Variants in ODAD2 observed in about 807,000 individuals in gnomAD.
ODAD2 encodes outer dynein arm-docking complex subunit 2.
A neutral mutation model predicts 106.8 loss-of-function variants in ODAD2; 89 were observed. The observed-to-expected ratio is 0.83, with a 90% CI of 0.70 to 0.99. ODAD2 has a LOEUF of 0.99. Among genes scored for constraint, ODAD2 ranks in the 50% least tolerant of loss-of-function variants. The pLI is 0.00. For synonymous variants in ODAD2, 404 were observed against 436.2 expected (o/e 0.93, Z 0.92); for missense variants, 1,168 against 1,238.5 (o/e 0.94, Z 0.85).
chr10:27,960,312 TC>T (rs1416183331), intron 10 of ODAD2, among the ~76,000 whole-genome samples: 4 of 110,130 alleles, frequency 3.6e-5, no homozygotes, highest in Admixed American at 1.1e-4. Flanking sequence ...TTTATTTATT[TC>T]ATTATTATTA....
At chr10:27,960,732 T>C (rs893047797) in intron 10 of ODAD2, among the ~76,000 whole-genome samples, 15 of 152,216 alleles carry the variant, frequency 9.9e-5, no homozygotes, top group African/African-American at 3.6e-4. Flanking sequence ...AATGTTTACA[T>C]TGTGCAATGA....
chr10:27,841,487 C>T (rs781186466), intron 19 of ODAD2, among the ~76,000 whole-genome samples: 3 of 152,084 alleles, frequency 2.0e-5, no homozygotes, highest in Non-Finnish European at 4.4e-5. Context: ...CCTCCACCTC[C>T]CAGGTTCAAG....
At chr10:27,957,948 A>G (rs1347583386) in intron 10 of ODAD2, among the ~76,000 whole-genome samples, 1 of 152,220 alleles carries the variant, frequency 6.6e-6, no homozygotes, top group African/African-American at 2.4e-5. Flanking sequence ...CATTTAAGCC[A>G]TAATTTCATA....
chr10:27,944,995 G>A (rs377014266), intron 10 of ODAD2, 33 bp from the exon 11 acceptor site: 53 of 1,611,496 alleles, frequency 3.3e-5, no homozygotes, highest in South Asian at 1.9e-4. Context: ...AAAGGTTAAG[G>A]AACACCGCAT....
chr10:27,907,816 A>G (rs747772379), intron 16 of ODAD2, 39 bp from the exon 17 acceptor site: 1 of 1,290,878 alleles, frequency 7.7e-7, no homozygotes. Context: ...AACTGTCATT[A>G]GTATGTGAAG....
At chr10:27,913,277 C>T (rs1844136568) in intron 16 of ODAD2, among the ~76,000 whole-genome samples, 5 of 151,992 alleles carry the variant, frequency 3.3e-5, no homozygotes, top group Admixed American at 3.3e-4. Context: ...TCCTCACCCT[C>T]CTCCCACCCT....
At chr10:27,834,108 A>G (rs1837683207) in intron 19 of ODAD2, among the ~76,000 whole-genome samples, 1 of 152,214 alleles carries the variant, frequency 6.6e-6, no homozygotes, top group African/African-American at 2.4e-5. Flanking sequence ...ACCAAAGGAC[A>G]CAAAAGTAGC....
chr10:27,857,792 A>G (rs1443724950), intron 19 of ODAD2, among the ~76,000 whole-genome samples: 2 of 152,194 alleles, frequency 1.3e-5, no homozygotes, highest in Non-Finnish European at 1.5e-5. Flanking sequence ...CCTAGGATCA[A>G]TTACTTATGA....
At chr10:27,924,726 G>T (rs1265222327) in intron 16 of ODAD2, among the ~76,000 whole-genome samples, 3 of 147,890 alleles carry the variant, frequency 2.0e-5, no homozygotes, top group African/African-American at 7.5e-5. Context: ...ACCATTAAGA[G>T]ATTAGTTTGC....
intron 19 of ODAD2, among the ~76,000 whole-genome samples, chr10:27,826,641 C>G (rs1837069075): frequency 6.6e-6 from 1 of 152,108 alleles, no homozygotes; most frequent in Non-Finnish European, 1.5e-5. Context: ...GAAGAGGTGT[C>G]TCCTCCTGCC....
intron 17 of ODAD2, among the ~76,000 whole-genome samples, chr10:27,903,362 T>A (rs146370272): frequency 4.5e-4 from 68 of 152,320 alleles, no homozygotes; most frequent in African/African-American, 1.6e-3. Context: ...GGGCAAAAGC[T>A]GTAAGCATTC....
intron 19 of ODAD2, among the ~76,000 whole-genome samples, chr10:27,837,153 G>A (rs1837958443): frequency 2.0e-5 from 3 of 152,180 alleles, no homozygotes; most frequent in Admixed American, 2.0e-4. Context: ...CAGCATCTCG[G>A]CTGCCTCTCT....
intron 10 of ODAD2, among the ~76,000 whole-genome samples, chr10:27,955,289 A>T (rs1847645668): frequency 6.6e-6 from 1 of 152,136 alleles, no homozygotes; most frequent in South Asian, 2.1e-4. Context: ...GGCCTTCCAA[A>T]CATGAATACT....
chr10:27,962,611 A>G (rs1339835718), intron 9 of ODAD2, among the ~76,000 whole-genome samples: 1 of 152,250 alleles, frequency 6.6e-6, no homozygotes. Context: ...GAGAGACATT[A>G]CCATGCAAAG....
intron 1 of ODAD2, among the ~76,000 whole-genome samples, chr10:27,998,538 G>C (rs1169780587): frequency 6.6e-6 from 1 of 152,046 alleles, no homozygotes; most frequent in Non-Finnish European, 1.5e-5. Flanking sequence ...GAGGTGATGG[G>C]GCCGAGGTAG....
chr10:27,843,296 G>A (rs990619532), intron 19 of ODAD2, among the ~76,000 whole-genome samples: 1 of 152,134 alleles, frequency 6.6e-6, no homozygotes, highest in African/African-American at 2.4e-5. Flanking sequence ...AGAAAAGATC[G>A]AGCTGAATCA....
chr10:27,984,622 T>C (rs552415736), intron 4 of ODAD2, among the ~76,000 whole-genome samples: 7 of 152,306 alleles, frequency 4.6e-5, no homozygotes, highest in African/African-American at 1.7e-4. Context: ...TGTAATAGTC[T>C]TGAGAGCATT....
intron 7 of ODAD2, among the ~76,000 whole-genome samples, chr10:27,971,784 C>G (rs1270681436): frequency 6.6e-6 from 1 of 151,970 alleles, no homozygotes; most frequent in Non-Finnish European, 1.5e-5. Flanking sequence ...AAAAGGAAAA[C>G]ACAAAAAACC....
intron 1 of ODAD2, among the ~76,000 whole-genome samples, chr10:27,996,339 G>C (rs758195057): frequency 6.6e-6 from 1 of 152,102 alleles, no homozygotes; most frequent in Non-Finnish European, 1.5e-5. Context: ...TTAAATCTTT[G>C]AACTATCTAT....
Sources: gnomAD v4.1 joint callset for allele counts (sites outside exome capture counted in the v4.1 genomes callset) on GRCh38, gnomAD v4.1.1 for gene constraint, MANE v1.5 for transcripts, NCBI Gene and HGNC (gene_info 2026-07-23, HGNC 2026-07-21) for gene names.